Variants in EIF2S3 observed in about 807,000 individuals in gnomAD.
The protein encoded by EIF2S3 is eukaryotic translation initiation factor 2 subunit gamma.
In EIF2S3, 2 loss-of-function variants were observed where a neutral mutation model predicts 31.7. The ratio of observed to expected loss-of-function variants is 0.06; its 90% CI spans 0.03 to 0.20. The LOEUF is 0.20. EIF2S3 is among the 10% of genes least tolerant of loss of function. The pLI is 1.00. For synonymous variants in EIF2S3, 120 were observed against 126.7 expected (o/e 0.95, Z 0.36); for missense variants, 96 against 359.3 (o/e 0.27, Z 5.92).
chrX:24,075,791 T>G (rs771109197), intron 11 of EIF2S3, among the ~76,000 whole-genome samples: 74 of 111,392 alleles, frequency 6.6e-4, no homozygotes, highest in Non-Finnish European at 1.3e-3. Context: ...GGCTGGAGTT[T>G]AGTGGCATGA....
In EIF2S3 at chrX:24,054,976, G is replaced by A. The variant is rs767705100; in HGVS notation, c.8G>A (p.Gly3Asp). 1.2e-5 allele frequency: 15 copies of A among 1,209,062 alleles called. 1 individual carries two copies. ...CCTTCCTCTTTTGGCAACATGGCGG[G>A]CGGAGAAGCTGGAGTGACTCTAGGG... MAGGEAGVTLGQP... is the reference protein window; with the variant it reads MADGEAGVTLGQP... Residue 3 changes from glycine (G) to aspartate (D), a missense_variant, in exon 1 of 12, where the codon GGC becomes GAC. This residue lies in a region of EIF2S3 where 27 missense variants were observed against 21.3 expected (regional missense o/e 1.27). Coordinates refer to ENST00000253039, the MANE Select transcript of EIF2S3 (RefSeq NM_001415.4).
At chrX:24,056,635 G>A (rs988662024) in intron 2 of EIF2S3, among the ~76,000 whole-genome samples, 13 of 111,536 alleles carry the variant, frequency 1.2e-4, no homozygotes, top group African/African-American at 3.9e-4. Flanking sequence ...AAGGCAGGTG[G>A]ATTGCTTGAG....
rs759708644 is a variant in EIF2S3, at chrX:24,067,873, C to T, written c.868-91C>T. 2.3e-5 allele frequency: 23 copies of T among 1,004,425 alleles called. 1 individual carries two copies. The East Asian group carries it at 6.8e-4, about 30-fold the overall frequency. 82.8% of individuals were successfully genotyped at this position (1,004,425 alleles called of 1,213,427 possible). On this transcript the variant is annotated intron_variant, in intron 8 of 11. Transcript: ENST00000253039. ...AAAATGCTAGGATTACACATGTGAG[C>T]CACCGCACCCAGTCCCTGTTGGAAC...
Position 24,055,625 on chromosome X carries a change from A to G in EIF2S3, c.80A>G (p.Lys27Arg), listed in dbSNP as rs776243738. The change falls in exon 2 of 12, where the codon AAG becomes AGG. Residue 27 changes from lysine to arginine, a missense_variant. Lys to Arg is a conservative substitution (Grantham distance 26). Transcript: ENST00000253039. ...RQDLTTLDVT[K>R]LTPLSHEVIS... is the part of the protein sequence containing the mutation. Reference sequence around the variant, plus strand: ...TATATTTCATTGCAGGATGTTACCAAGTTGACGCCACTTTCACACGAAGTT... The same window carrying G: ...TATATTTCATTGCAGGATGTTACCAGGTTGACGCCACTTTCACACGAAGTT... 9 of 1,209,785 alleles carry G rather than the reference A, an allele frequency of 7.4e-6. No homozygotes were observed. The highest frequency in any genetic ancestry group is 2.2e-5 in the Admixed American group (1 of 45,677).
At position 24,061,659 on chromosome X, in the gene EIF2S3, C is replaced by T. The variant is rs138310204; in HGVS notation, c.479-757C>T. Among the ~76,000 whole-genome samples, 10 of 111,078 alleles carry T rather than the reference C, an allele frequency of 9.0e-5. No individual in the cohort carries two copies. In the East Asian group the frequency reaches 2.8e-3, roughly 31 times the overall value. Reference sequence around the variant, plus strand: ...GGAGGTTGATCATTAGAGTGCTCAACAAAACATGCCTATTTCTTTATAATA... The same window carrying T: ...GGAGGTTGATCATTAGAGTGCTCAATAAAACATGCCTATTTCTTTATAATA... On this transcript the variant is annotated intron_variant, in intron 5 of 11. Coordinates refer to ENST00000253039, the MANE Select transcript of EIF2S3 (RefSeq NM_001415.4).
chrX:24,077,448 TAA>T lies in EIF2S3; in HGVS notation c.*665_*666del, dbSNP rs1930773327. On this transcript the variant is annotated 3_prime_UTR_variant, in exon 12 of 12. Coordinates refer to ENST00000253039, the MANE Select transcript of EIF2S3 (RefSeq NM_001415.4). ...CATATATCACTGAACCTGTTTGAAA[TAA>T]AGTTTTTTTTCTTTTTCATGATTCG... 1 of 112,256 alleles carries T rather than the reference TAA, an allele frequency of 8.9e-6. No homozygotes were observed. Among genetic ancestry groups the T allele is most frequent in the Non-Finnish European group, 1.9e-5 (1 of 53,307 alleles). 9.3% of individuals were successfully genotyped at this position (112,256 alleles called of 1,213,427 possible). A position where few individuals can be genotyped will look rare whatever the true frequency, so the allele number is the denominator to read the frequency against.
In EIF2S3 at chrX:24,057,556, G is replaced by A; in HGVS notation, c.261+8G>A. 8.3e-7 allele frequency: 1 copy of A among 1,206,239 alleles called. No individual in the cohort carries two copies. Among genetic ancestry groups the A allele is most frequent in the Non-Finnish European group, 1.1e-6 (1 of 893,447 alleles). ...GGATATGCTAATGCTAAGGTAAGCT[G>A]TGTACTGTGGAACGAGAAACTAACT... is the stretch of plus-strand genomic sequence containing the variant. On this transcript the variant is annotated splice_region_variant and intron_variant, in intron 3 of 11. Transcript: ENST00000253039.
intron 10 of EIF2S3, 74 bp downstream of exon 10, chrX:24,071,801 T>C: frequency 9.5e-7 from 1 of 1,052,598 alleles, no homozygotes; most frequent in Non-Finnish European, 1.3e-6. Flanking sequence ...TTGAGTTTTA[T>C]TGTTTTACAG....
chrX:24,073,478 G>A, intron 11 of EIF2S3: 1 of 332,470 alleles, frequency 3.0e-6, no homozygotes, highest in Non-Finnish European at 5.1e-6. Flanking sequence ...GGATCATGAG[G>A]TCAGGAGATC....
chrX:24,064,647 G>C (rs1327086817), intron 7 of EIF2S3, among the ~76,000 whole-genome samples: 2 of 111,821 alleles, frequency 1.8e-5, no homozygotes, highest in African/African-American at 6.5e-5. Context: ...GATCAGCATG[G>C]TGAAACCCTG....
chrX:24,074,677 G>A (rs1172411842), intron 11 of EIF2S3, among the ~76,000 whole-genome samples: 1 of 109,458 alleles, frequency 9.1e-6, no homozygotes. Flanking sequence ...TTCTTTCTTT[G>A]CCATTATTTA....
intron 10 of EIF2S3, among the ~76,000 whole-genome samples, 153 bp from the exon 11 acceptor site, chrX:24,072,938 C>T (rs1379836590): frequency 8.9e-6 from 1 of 112,086 alleles, no homozygotes; most frequent in Non-Finnish European, 1.9e-5. Flanking sequence ...ATAAACTATA[C>T]TATATATAGT....
intron 4 of EIF2S3, among the ~76,000 whole-genome samples, chrX:24,058,946 A>G (rs1429989986): frequency 1.9e-5 from 2 of 104,948 alleles, no homozygotes; most frequent in African/African-American, 3.5e-5. Flanking sequence ...GCTGGTCTCG[A>G]ACTCCTGGCC....
chrX:24,069,887 C>T (rs1930638667), intron 9 of EIF2S3, among the ~76,000 whole-genome samples: 1 of 108,354 alleles, frequency 9.2e-6, no homozygotes, highest in Non-Finnish European at 1.9e-5. Context: ...GATGGGGTTT[C>T]GCCATGTTGG....
At chrX:24,064,742 T>G (rs1443650062) in intron 7 of EIF2S3, among the ~76,000 whole-genome samples, 1 of 111,169 alleles carries the variant, frequency 9.0e-6, no homozygotes, top group East Asian at 2.8e-4. Flanking sequence ...GGCAGGAGAA[T>G]GGCGCGAACC....
intron 8 of EIF2S3, among the ~76,000 whole-genome samples, chrX:24,066,523 C>CTTTTTTT (rs113989989): frequency 1.1e-5 from 1 of 94,332 alleles, no homozygotes; most frequent in Non-Finnish European, 2.1e-5. Flanking sequence ...CTTTTCTTTT[C>CTTTTTTT]TTTTTTTTTT....
intron 6 of EIF2S3, among the ~76,000 whole-genome samples, chrX:24,063,475 A>G (rs1245500969): frequency 8.9e-6 from 1 of 111,771 alleles, no homozygotes; most frequent in East Asian, 2.8e-4. Context: ...TTGACGTATA[A>G]TCAATACGTA....
intron 6 of EIF2S3, 92 bp downstream of exon 6, chrX:24,062,666 T>C: frequency 9.9e-7 from 1 of 1,007,441 alleles, no homozygotes; most frequent in Admixed American, 3.0e-5. Flanking sequence ...TAATATATTA[T>C]CTAAAACAAG....
chrX:24,057,778 A>G (rs1930426631), intron 4 of EIF2S3, 24 bp downstream of exon 4: 1 of 1,183,954 alleles, frequency 8.4e-7, no homozygotes, highest in Non-Finnish European at 1.1e-6. Context: ...TGCTACAAAC[A>G]CTACACTTTA....
Sources: gnomAD v4.1 joint callset for allele counts (sites outside exome capture counted in the v4.1 genomes callset) on GRCh38, gnomAD v4.1.1 for gene constraint, gnomAD v4.1.1 regional missense constraint, MANE v1.5 for transcripts, NCBI Gene and HGNC (gene_info 2026-07-23, HGNC 2026-07-21) for gene names.